RAB9A: variants seen among roughly 807,000 people sequenced by gnomAD.
RAB9A encodes the protein ras-related protein Rab-9A.
In RAB9A, 1 loss-of-function variant was observed where a neutral mutation model predicts 10.3. The ratio of observed to expected loss-of-function variants is 0.10; its 90% CI spans 0.03 to 0.46. The LOEUF is 0.46. Among genes scored for constraint, RAB9A ranks in the 20% least tolerant of loss-of-function variants. The pLI is 0.96. For synonymous variants in RAB9A, 39 were observed against 55.2 expected (o/e 0.71, Z 1.30); for missense variants, 92 against 150.3 (o/e 0.61, Z 2.03).
intron 1 of RAB9A, among the ~76,000 whole-genome samples, chrX:13,692,195 A>G (rs1357218194): frequency 1.8e-5 from 2 of 111,340 alleles, no homozygotes; most frequent in Non-Finnish European, 3.8e-5. Flanking sequence ...TGCATGTCCC[A>G]GCTACTCTGG....
intron 1 of RAB9A, among the ~76,000 whole-genome samples, chrX:13,689,772 T>TA (rs1475643297): frequency 3.8e-4 from 43 of 112,019 alleles, no homozygotes; most frequent in Admixed American, 3.7e-3. Context: ...CTCGATGTCT[T>TA]ACGACCACTC....
Position 13,709,340 on chromosome X carries a change from A to T in RAB9A, c.594A>T (p.Ser198=), listed in dbSNP as rs143297516. The change falls in exon 3 of 3, where the codon TCA becomes TCT. Residue 198 remains serine (S), a synonymous_variant. Transcript: ENST00000464506. The part of the protein sequence containing the change: ...VNLHRKPKPS[S]SCC ...TTCACCGAAAGCCCAAGCCTAGCTC[A>T]TCTTGCTGTTGATTGTTAGATTGTT... 5.9e-3 allele frequency: 7,019 copies of T among 1,197,161 alleles called. 14 individuals are homozygous for T. The highest frequency in any genetic ancestry group is 0.012 in the Middle Eastern group (50 of 4,289).
chrX:13,698,251 A>G (rs747733912), intron 1 of RAB9A, among the ~76,000 whole-genome samples: 2 of 85,192 alleles, frequency 2.3e-5, no homozygotes, highest in African/African-American at 4.7e-5. Flanking sequence ...TCCCCCCACC[A>G]CTGTTAGTGA....
At chrX:13,706,554 ATT>A (rs397937858) in intron 2 of RAB9A, among the ~76,000 whole-genome samples, 6 of 97,356 alleles carry the variant, frequency 6.2e-5, no homozygotes, top group African/African-American at 3.7e-5. Flanking sequence ...CGTCCAGCTA[ATT>A]TTTTTTTTTT....
At chrX:13,697,822 C>G (rs1212537996) in intron 1 of RAB9A, among the ~76,000 whole-genome samples, 1 of 111,917 alleles carries the variant, frequency 8.9e-6, no homozygotes, top group Non-Finnish European at 1.9e-5. Flanking sequence ...CGCAAGCACA[C>G]AAGCTTCCAC....
At chrX:13,708,669 TAG>T in intron 2 of RAB9A, 50 bp from the exon 3 acceptor site, 1 of 1,034,655 alleles carries the variant, frequency 9.7e-7, no homozygotes, top group Non-Finnish European at 1.3e-6. Context: ...TAGAATCATG[TAG>T]AAGAATGTGT....
At chrX:13,696,726 G>C (rs1390002805) in intron 1 of RAB9A, among the ~76,000 whole-genome samples, 1 of 112,233 alleles carries the variant, frequency 8.9e-6, no homozygotes, top group Non-Finnish European at 1.9e-5. Context: ...AAAGGATGGG[G>C]TGGGAGCCCT....
At chrX:13,707,459 CAT>C (rs960244436) in intron 2 of RAB9A, among the ~76,000 whole-genome samples, 27 of 111,414 alleles carry the variant, frequency 2.4e-4, no homozygotes, top group African/African-American at 8.2e-4. Context: ...AAATTTTGTA[CAT>C]GTTTTACATT....
chrX:13,706,740 AG>A lies in RAB9A; in HGVS notation c.-26-1979del, dbSNP rs777539741. On this transcript the variant is annotated intron_variant, in intron 2 of 2. Transcript: ENST00000464506. The stretch of plus-strand genomic sequence containing the variant: ...AAGAACCAGTAAGAGGTAGGGACTA[AG>A]GTATGTCCCATCATTTTTTAATAGT... Among the ~76,000 whole-genome samples, 208 of 110,622 alleles carry A rather than the reference AG, an allele frequency of 1.9e-3. 1 individual carries two copies. The highest frequency in any genetic ancestry group is 6.2e-3 in the African/African-American group (187 of 30,399).
chrX:13,689,629 A>T (rs899523503), intron 1 of RAB9A, among the ~76,000 whole-genome samples: 1 of 111,667 alleles, frequency 9.0e-6, no homozygotes, highest in Non-Finnish European at 1.9e-5. Flanking sequence ...CCTTTCCCCC[A>T]ACCACTCCGG....
At chrX:13,691,230 G>C (rs2046121138) in intron 1 of RAB9A, among the ~76,000 whole-genome samples, 3 of 111,759 alleles carry the variant, frequency 2.7e-5, no homozygotes, top group Non-Finnish European at 3.8e-5. Flanking sequence ...AGCAGTCCAA[G>C]TAACCCCAGA....
chrX:13,708,592 C>T (rs901130851), intron 2 of RAB9A, 129 bp from the exon 3 acceptor site: 1 of 589,086 alleles, frequency 1.7e-6, no homozygotes. Context: ...GCTCAGTAAA[C>T]AACAAGTCTT....
At chrX:13,691,987 A>T (rs1400454394) in intron 1 of RAB9A, among the ~76,000 whole-genome samples, 3 of 109,097 alleles carry the variant, frequency 2.7e-5, no homozygotes, top group Non-Finnish European at 5.7e-5. Context: ...GGTGTTCATT[A>T]AAAAAAAGCA....
At chrX:13,704,760 A>G (rs1039509095) in intron 2 of RAB9A, among the ~76,000 whole-genome samples, 2 of 110,435 alleles carry the variant, frequency 1.8e-5, no homozygotes, top group Middle Eastern at 9.3e-3. Flanking sequence ...GATTACAGGC[A>G]TGTGCTACCA....
intron 1 of RAB9A, among the ~76,000 whole-genome samples, chrX:13,691,785 G>C (rs2046125741): frequency 9.2e-6 from 1 of 108,465 alleles, no homozygotes; most frequent in African/African-American, 3.4e-5. Flanking sequence ...AGTGGACTTA[G>C]AAAGTTTAGT....
intron 1 of RAB9A, among the ~76,000 whole-genome samples, chrX:13,693,063 A>AC (rs1466321993): frequency 8.9e-6 from 1 of 112,549 alleles, no homozygotes; most frequent in Non-Finnish European, 1.9e-5. Context: ...TTAGGTCACC[A>AC]CATTTCCTTC....
At chrX:13,696,682 A>G (rs1228587634) in intron 1 of RAB9A, among the ~76,000 whole-genome samples, 1 of 111,818 alleles carries the variant, frequency 8.9e-6, no homozygotes, top group Non-Finnish European at 1.9e-5. Context: ...GGCCATTAGG[A>G]GGTCTTTGGT....
At position 13,709,123 on chromosome X, in the gene RAB9A, T is replaced by C. The variant is rs747300336; in HGVS notation, c.377T>C (p.Ile126Thr). 3.3e-6 allele frequency: 4 copies of C among 1,209,968 alleles called. No homozygotes were observed. Among genetic ancestry groups the C allele is most frequent in the South Asian group, 3.5e-5 (2 of 56,818 alleles). ...SFPFVILGNK[I>T]DISERQVSTE... ...CCTTTTGTGATTCTGGGTAACAAGA[T>C]TGACATAAGCGAACGGCAGGTGTCT... Residue 126 changes from isoleucine (I) to threonine (T), a missense_variant, in exon 3 of 3, where the codon ATT (isoleucine) becomes ACT (threonine). Physicochemically the swap from Ile to Thr is moderately conservative, Grantham distance 89. Transcript: ENST00000464506.
At position 13,709,021 on chromosome X, in the gene RAB9A, C is replaced by T. The variant is rs368067295; in HGVS notation, c.275C>T (p.Ser92Leu). The T allele has an allele frequency of 6.0e-5, 73 of 1,209,368 alleles. No homozygotes were observed. The highest frequency in any genetic ancestry group is 7.4e-5 in the Non-Finnish European group (66 of 895,136). Residue 92 changes from serine (S) to leucine (L), a missense_variant, in exon 3 of 3, where the codon TCA (serine) becomes TTA (leucine). Physicochemically the swap from Ser to Leu is moderately radical, Grantham distance 145 (BLOSUM62 -2). Transcript: ENST00000464506. ...CTGCTTACTTTTAGTGTCGATGATT[C>T]ACAAAGCTTCCAGAACTTAAGTAAC... ...CCLLTFSVDD[S>L]QSFQNLSNWK...
Sources: gnomAD v4.1 joint callset for allele counts (sites outside exome capture counted in the v4.1 genomes callset) on GRCh38, gnomAD v4.1.1 for gene constraint, MANE v1.5 for transcripts, NCBI Gene and HGNC (gene_info 2026-07-23, HGNC 2026-07-21) for gene names.